DDC: variants seen among roughly 807,000 people sequenced by gnomAD.
DDC encodes the protein aromatic-L-amino-acid decarboxylase.
DDC carries 43 observed loss-of-function variants against 60.0 expected under a neutral mutation model. The observed-to-expected ratio is 0.72, with a 90% CI of 0.56 to 0.92. The LOEUF (loss-of-function observed/expected upper bound fraction) is 0.92. Ranked by LOEUF, DDC falls within the 40% of genes least tolerant of loss-of-function variation. DDC has a pLI of 0.00. For missense variants in DDC, 573 were observed against 620.2 expected (o/e 0.92, Z 0.81); for synonymous variants, 232 against 234.6 (o/e 0.99, Z 0.10).
chr7:50,495,629 G>A (rs1365662804), intron 8 of DDC, among the ~76,000 whole-genome samples: 1 of 152,094 alleles, frequency 6.6e-6, no homozygotes, highest in East Asian at 1.9e-4. Flanking sequence ...TGGGTGGTAA[G>A]TACATGGGGG....
chr7:50,560,888 TC>T (rs947773602), intron 1 of DDC: 5 of 151,990 alleles, frequency 3.3e-5, no homozygotes, highest in African/African-American at 1.2e-4. Context: ...CGAACCTCCT[TC>T]CTCCTGCAGG....
intron 6 of DDC, among the ~76,000 whole-genome samples, chr7:50,510,995 A>C (rs1269264551): frequency 1.3e-5 from 2 of 150,044 alleles, no homozygotes; most frequent in Non-Finnish European, 3.0e-5. Flanking sequence ...AAAAAAAAAA[A>C]AAAAAAAACT....
At chr7:50,540,491 CA>C (rs1415814378) in intron 2 of DDC, among the ~76,000 whole-genome samples, 12 of 68,962 alleles carry the variant, frequency 1.7e-4, no homozygotes, top group East Asian at 1.3e-3. Context: ...AACAAACAAA[CA>C]AACAAAAAAA....
At chr7:50,463,556 C>G (rs906800792) in intron 13 of DDC, 125 bp from the exon 14 acceptor site, 30 of 817,682 alleles carry the variant, frequency 3.7e-5, no homozygotes, top group Middle Eastern at 4.5e-4. Flanking sequence ...CTAACCATCC[C>G]CCTTGCGTTT....
chr7:50,489,631 A>G (rs1171562281), intron 9 of DDC, among the ~76,000 whole-genome samples: 2 of 152,180 alleles, frequency 1.3e-5, no homozygotes, highest in Admixed American at 1.3e-4. Context: ...CAGGGCCAGA[A>G]ATTAAAACTA....
intron 1 of DDC, among the ~76,000 whole-genome samples, chr7:50,547,414 G>A (rs779443556): frequency 5.3e-5 from 8 of 151,770 alleles, no homozygotes; most frequent in South Asian, 2.1e-4. Context: ...ACAGGATTTC[G>A]CCATGTTGGT....
At chr7:50,562,027 A>G (rs1033237330) in intron 1 of DDC, among the ~76,000 whole-genome samples, 3 of 152,154 alleles carry the variant, frequency 2.0e-5, no homozygotes, top group Non-Finnish European at 4.4e-5. Context: ...ACATACACAT[A>G]CCACATCCAG....
At chr7:50,518,942 G>A (rs968512967) in intron 6 of DDC, among the ~76,000 whole-genome samples, 5 of 152,202 alleles carry the variant, frequency 3.3e-5, no homozygotes, top group African/African-American at 4.8e-5. Flanking sequence ...AGTCAGCAGG[G>A]TAAACAGACA....
chr7:50,481,238 G>T (rs1174327845), intron 9 of DDC, among the ~76,000 whole-genome samples: 1 of 152,204 alleles, frequency 6.6e-6, no homozygotes, highest in Non-Finnish European at 1.5e-5. Flanking sequence ...GACAGACAAA[G>T]TCAGTAGGAA....
At chr7:50,509,972 C>G (rs543697660) in intron 6 of DDC, among the ~76,000 whole-genome samples, 1 of 146,300 alleles carries the variant, frequency 6.8e-6, no homozygotes, top group Non-Finnish European at 1.5e-5. Context: ...AAGATACTTA[C>G]GTATCTTTTT....
chr7:50,540,058 G>A (rs1419181620), intron 2 of DDC, 30 bp from the exon 3 acceptor site: 6 of 1,571,442 alleles, frequency 3.8e-6, no homozygotes, highest in Non-Finnish European at 5.2e-6. Flanking sequence ...AGCTGCTGAG[G>A]AGTGAGGAAA....
intron 9 of DDC, among the ~76,000 whole-genome samples, chr7:50,483,727 C>G (rs925082390): frequency 6.6e-6 from 1 of 151,872 alleles, no homozygotes; most frequent in African/African-American, 2.4e-5. Context: ...ACAGTGAAAC[C>G]CCGTCTCTAC....
intron 12 of DDC, among the ~76,000 whole-genome samples, chr7:50,469,844 T>C (rs2042488461): frequency 1.3e-5 from 2 of 152,156 alleles, no homozygotes; most frequent in Non-Finnish European, 2.9e-5. Context: ...CTGGGCATGA[T>C]GGCGCATGCC....
intron 1 of DDC, among the ~76,000 whole-genome samples, chr7:50,551,738 T>C (rs2045001870): frequency 6.6e-6 from 1 of 152,206 alleles, no homozygotes; most frequent in Non-Finnish European, 1.5e-5. Context: ...CTCATTTTTG[T>C]TGGACCCAAT....
chr7:50,514,547 G>A (rs1327570463), intron 6 of DDC, among the ~76,000 whole-genome samples: 1 of 152,172 alleles, frequency 6.6e-6, no homozygotes, highest in African/African-American at 2.4e-5. Context: ...AAGCACCAGA[G>A]AAAGGCAGAG....
chr7:50,501,125 G>A (rs3779083), intron 7 of DDC, among the ~76,000 whole-genome samples: 84,067 of 152,026 alleles, frequency 0.55, 23,412 homozygotes, highest in Admixed American at 0.62. Context: ...AGTGGGGAGG[G>A]ATGGGACAGG....
Position 50,544,031 on chromosome 7 carries a change from TG to T in DDC, c.54del (p.Asn19ThrfsTer23). 2 of 1,614,194 alleles carry T rather than the reference TG, an allele frequency of 1.2e-6. No individual in the cohort carries two copies. Among genetic ancestry groups the T allele is most frequent in the South Asian group, 2.2e-5 (2 of 91,082 alleles). On this transcript the variant is annotated frameshift_variant, in exon 2 of 15. Coordinates refer to ENST00000444124, the MANE Select transcript of DDC (RefSeq NM_001082971.2). LOFTEE classifies it high-confidence loss of function. ...CGTCCCTCAATGCCTTCCATGTAGT[TG>T]GCCATGTAATCCACCATCTCCTTCC... Reference protein sequence around the residue: ...RRGKEMVDYMANYMEGIEGRQ... With the variant: ...RRGKEMVDYMXNYMEGIEGRQ...
At chr7:50,502,428 C>T (rs76044988) in intron 7 of DDC, among the ~76,000 whole-genome samples, 116 of 152,252 alleles carry the variant, frequency 7.6e-4, no homozygotes, top group African/African-American at 2.2e-3. Flanking sequence ...CCTTTAAATC[C>T]GATAGCCCTA....
chr7:50,552,952 C>A (rs1363419190), intron 1 of DDC, among the ~76,000 whole-genome samples: 1 of 152,192 alleles, frequency 6.6e-6, no homozygotes, highest in Non-Finnish European at 1.5e-5. Flanking sequence ...CTGTCTCAGT[C>A]CCTGCCCAAC....
Sources: gnomAD v4.1 joint callset for allele counts (sites outside exome capture counted in the v4.1 genomes callset) on GRCh38, gnomAD v4.1.1 for gene constraint, MANE v1.5 for transcripts, NCBI Gene and HGNC (gene_info 2026-07-23, HGNC 2026-07-21) for gene names.